Variants in MACROD2 observed in about 807,000 individuals in gnomAD.
The protein encoded by MACROD2 is ADP-ribose glycohydrolase MACROD2.
MACROD2 carries 36 observed loss-of-function variants against 70.4 expected under a neutral mutation model. The observed-to-expected ratio is 0.51, with a 90% CI of 0.39 to 0.68. The LOEUF is 0.68. MACROD2 is among the 30% of genes least tolerant of loss of function. The pLI, the probability that MACROD2 is intolerant of heterozygous loss-of-function variation, is 0.00. For synonymous variants in MACROD2, 172 were observed against 178.8 expected (o/e 0.96, Z 0.30); for missense variants, 496 against 538.4 (o/e 0.92, Z 0.78).
intron 5 of MACROD2, among the ~76,000 whole-genome samples, chr20:15,089,893 G>A (rs2075780231): frequency 6.6e-6 from 1 of 152,124 alleles, no homozygotes; most frequent in Admixed American, 6.6e-5. Flanking sequence ...GGAAGTTCTT[G>A]CCTTCAGGGA....
chr20:15,667,795 T>C, intron 8 of MACROD2, among the ~76,000 whole-genome samples: 1 of 152,204 alleles, frequency 6.6e-6, no homozygotes. Context: ...TTTCTTTCAA[T>C]ATAGAACAGT....
chr20:14,799,697 G>A (rs2072551408), intron 5 of MACROD2, among the ~76,000 whole-genome samples: 1 of 151,998 alleles, frequency 6.6e-6, no homozygotes, highest in Admixed American at 6.6e-5. Context: ...GGGAGGACTG[G>A]CTCTCACATT....
chr20:14,344,384 T>C (rs571393455), intron 3 of MACROD2, among the ~76,000 whole-genome samples: 1 of 152,292 alleles, frequency 6.6e-6, no homozygotes, highest in South Asian at 2.1e-4. Context: ...ACATTTACCA[T>C]TGGGAAATTT....
intron 13 of MACROD2, among the ~76,000 whole-genome samples, chr20:15,982,837 C>G (rs940952479): frequency 6.6e-6 from 1 of 152,166 alleles, no homozygotes; most frequent in Non-Finnish European, 1.5e-5. Flanking sequence ...TAGGTTTTGC[C>G]TAAGAGTTAG....
chr20:14,991,477 A>C (rs2074903419), intron 5 of MACROD2, among the ~76,000 whole-genome samples: 1 of 152,096 alleles, frequency 6.6e-6, no homozygotes, highest in Admixed American at 6.6e-5. Context: ...TGAATCACAG[A>C]CCTAAGGAAT....
chr20:15,488,977 G>A (rs370543910), intron 7 of MACROD2, among the ~76,000 whole-genome samples: 3 of 152,078 alleles, frequency 2.0e-5, no homozygotes, highest in African/African-American at 7.2e-5. Flanking sequence ...AATACCCTCC[G>A]AAATAGACAC....
At chr20:15,942,817 AT>A (rs1427111904) in intron 12 of MACROD2, among the ~76,000 whole-genome samples, 1 of 152,140 alleles carries the variant, frequency 6.6e-6, no homozygotes, top group African/African-American at 2.4e-5. Context: ...CTGGGGGAAA[AT>A]AAAGTGCTGT....
At chr20:14,015,680 CTA>C (rs1322828821) in intron 2 of MACROD2, among the ~76,000 whole-genome samples, 1 of 152,208 alleles carries the variant, frequency 6.6e-6, no homozygotes, top group Non-Finnish European at 1.5e-5. Flanking sequence ...TTGACTGTCT[CTA>C]TAAATTTGCC....
At chr20:14,743,013 G>A (rs200166822) in intron 5 of MACROD2, among the ~76,000 whole-genome samples, 3 of 152,004 alleles carry the variant, frequency 2.0e-5, no homozygotes, top group Non-Finnish European at 2.9e-5. Flanking sequence ...TGATCCGCCC[G>A]CCTCGGCCTC....
At chr20:15,476,793 G>T (rs911485539) in intron 7 of MACROD2, among the ~76,000 whole-genome samples, 1 of 152,168 alleles carries the variant, frequency 6.6e-6, no homozygotes, top group Admixed American at 6.5e-5. Flanking sequence ...GTCTTCAGGT[G>T]TTTGAAAATC....
chr20:15,896,417 GA>G (rs1382226158), intron 10 of MACROD2, among the ~76,000 whole-genome samples: 2 of 152,002 alleles, frequency 1.3e-5, no homozygotes, highest in Non-Finnish European at 2.9e-5. Flanking sequence ...TTTAGATTCA[GA>G]AGAAAAATTT....
At chr20:15,389,046 T>C (rs1024772190) in intron 6 of MACROD2, among the ~76,000 whole-genome samples, 7 of 152,134 alleles carry the variant, frequency 4.6e-5, no homozygotes, top group African/African-American at 1.7e-4. Context: ...CACGAAAGTA[T>C]CACTGGTGGT....
At chr20:15,812,325 A>T (rs942393573) in intron 8 of MACROD2, among the ~76,000 whole-genome samples, 1 of 152,216 alleles carries the variant, frequency 6.6e-6, no homozygotes, top group Non-Finnish European at 1.5e-5. Context: ...CTATTCTGAG[A>T]TATCACACAA....
chr20:14,867,582 C>T (rs1473459946), intron 5 of MACROD2, among the ~76,000 whole-genome samples: 2 of 152,120 alleles, frequency 1.3e-5, no homozygotes, highest in East Asian at 1.9e-4. Flanking sequence ...TTAACCTTGA[C>T]CAGCCTTCTA....
intron 5 of MACROD2, among the ~76,000 whole-genome samples, chr20:14,998,857 G>T (rs866601183): frequency 2.1e-4 from 32 of 152,278 alleles, no homozygotes; most frequent in South Asian, 8.3e-4. Flanking sequence ...AAAGGTCAAG[G>T]TTAAAGAAAG....
intron 5 of MACROD2, among the ~76,000 whole-genome samples, chr20:15,026,286 A>G (rs941589260): frequency 1.3e-5 from 2 of 152,162 alleles, no homozygotes; most frequent in African/African-American, 4.8e-5. Flanking sequence ...TCTAATACCC[A>G]TTCAAACCCT....
intron 4 of MACROD2, among the ~76,000 whole-genome samples, chr20:14,514,699 A>G (rs1173574105): frequency 6.6e-6 from 1 of 152,108 alleles, no homozygotes; most frequent in Non-Finnish European, 1.5e-5. Flanking sequence ...GAACAGGAGC[A>G]AAGCTGCTCT....
At chr20:14,347,971 A>G (rs1176177290) in intron 3 of MACROD2, among the ~76,000 whole-genome samples, 1 of 152,116 alleles carries the variant, frequency 6.6e-6, no homozygotes, top group Non-Finnish European at 1.5e-5. Context: ...GAACAAATGT[A>G]TAGGTATAAG....
intron 5 of MACROD2, among the ~76,000 whole-genome samples, chr20:15,084,510 A>G (rs1156311965): frequency 6.6e-6 from 1 of 152,190 alleles, no homozygotes; most frequent in Non-Finnish European, 1.5e-5. Flanking sequence ...TTATTTTGTA[A>G]GCCACTGAAA....
Sources: gnomAD v4.1 joint callset for allele counts (sites outside exome capture counted in the v4.1 genomes callset) on GRCh38, gnomAD v4.1.1 for gene constraint, MANE v1.5 for transcripts, NCBI Gene and HGNC (gene_info 2026-07-23, HGNC 2026-07-21) for gene names.